DDX31: variants seen among roughly 807,000 people sequenced by gnomAD.
DDX31 encodes DEAD-box helicase 31.
In DDX31, 70 loss-of-function variants were observed where a neutral mutation model predicts 91.3. That is an observed-to-expected ratio of 0.77 (90% CI 0.63 to 0.94). The LOEUF (loss-of-function observed/expected upper bound fraction) is 0.94. DDX31 is among the 40% of genes least tolerant of loss of function. The pLI, the probability that DDX31 is intolerant of heterozygous loss-of-function variation, is 0.00. For missense variants in DDX31, 902 were observed against 925.0 expected (o/e 0.98, Z 0.32); for synonymous variants, 362 against 350.6 (o/e 1.03, Z -0.36).
intron 17 of DDX31, among the ~76,000 whole-genome samples, chr9:132,619,108 TG>T (rs1393812369): frequency 6.6e-6 from 1 of 152,214 alleles, no homozygotes; most frequent in African/African-American, 2.4e-5. Flanking sequence ...AAGTAGCATC[TG>T]TGTGCATGCA....
chr9:132,609,571 C>T (rs898779701), intron 19 of DDX31, among the ~76,000 whole-genome samples: 16 of 152,266 alleles, frequency 1.1e-4, no homozygotes, highest in African/African-American at 3.6e-4. Context: ...ACTATGAAAT[C>T]TTGGGATTGC....
chr9:132,669,736 T>C, intron 1 of DDX31, 124 bp downstream of exon 1: 1 of 1,530,836 alleles, frequency 6.5e-7, no homozygotes, highest in Non-Finnish European at 8.7e-7. Flanking sequence ...AGCTGCCCGG[T>C]GTCTTTCTCC....
chr9:132,595,526 A>G lies in DDX31; in HGVS notation c.1995-414T>C, dbSNP rs1294964420. 6.6e-6 allele frequency among the ~76,000 whole-genome samples: 1 copy of G among 152,226 alleles called. No individual in the cohort carries two copies. The highest frequency in any genetic ancestry group is 6.5e-5 in the Admixed American group (1 of 15,290). ...TCCCAGTAACCCCTAAGCAGCTTAA[A>G]GCAACTGGCCTCCTCATGGGCTCCT... On this transcript the variant is annotated intron_variant, in intron 19 of 19. Coordinates refer to ENST00000372159, the MANE Select transcript of DDX31 (RefSeq NM_022779.9). The surrounding 1 kb of genome is among the most constrained non-coding windows in gnomAD (Gnocchi z 4.6).
chr9:132,616,959 C>T (rs1831675406), intron 18 of DDX31, among the ~76,000 whole-genome samples: 1 of 152,136 alleles, frequency 6.6e-6, no homozygotes, highest in African/African-American at 2.4e-5. Context: ...TTCTGGTGAC[C>T]ACAATTGCTC....
At chr9:132,650,105 C>T (rs980999787) in intron 9 of DDX31, 129 bp downstream of exon 9, 13 of 865,324 alleles carry the variant, frequency 1.5e-5, no homozygotes, top group Non-Finnish European at 2.1e-5. Context: ...CAATCTGTCC[C>T]TGTGCACCGG....
chr9:132,647,400 T>C (rs975245396), intron 11 of DDX31, among the ~76,000 whole-genome samples: 2 of 152,216 alleles, frequency 1.3e-5, no homozygotes, highest in African/African-American at 4.8e-5. Context: ...AAAGCGTTTT[T>C]GCTATAAGCA....
intron 1 of DDX31, among the ~76,000 whole-genome samples, chr9:132,669,006 A>ATAGT (rs1835516634): frequency 1.9e-5 from 2 of 108,030 alleles, no homozygotes; most frequent in African/African-American, 8.4e-5. Flanking sequence ...TTTCTAGTTG[A>ATAGT]CGGTTGAGTT....
intron 19 of DDX31, among the ~76,000 whole-genome samples, chr9:132,602,578 C>T (rs1234087455): frequency 1.3e-5 from 2 of 152,216 alleles, no homozygotes; most frequent in African/African-American, 4.8e-5. Flanking sequence ...GTTCTGCTTC[C>T]AGACCTAGAG....
At chr9:132,598,181 C>G (rs1830540150) in intron 19 of DDX31, among the ~76,000 whole-genome samples, 1 of 152,188 alleles carries the variant, frequency 6.6e-6, no homozygotes, top group South Asian at 2.1e-4. Context: ...CCCATTCATC[C>G]CTTGGCCAGC....
intron 13 of DDX31, 31 bp downstream of exon 13, chr9:132,645,864 G>A: frequency 6.3e-7 from 1 of 1,589,796 alleles, no homozygotes. Context: ...GGGCCGCAGT[G>A]TTGTCGCTGC....
intron 6 of DDX31, among the ~76,000 whole-genome samples, chr9:132,653,834 C>A (rs1225633614): frequency 6.6e-6 from 1 of 151,848 alleles, no homozygotes; most frequent in African/African-American, 2.4e-5. Context: ...TTTGAAAGTT[C>A]ATATGGAAAA....
chr9:132,651,827 T>G (rs2130794182), intron 7 of DDX31, among the ~76,000 whole-genome samples: 1 of 152,300 alleles, frequency 6.6e-6, no homozygotes, highest in Non-Finnish European at 1.5e-5. Context: ...TTTTAATAGC[T>G]TCTGTGCCTG....
chr9:132,612,297 G>A (rs1464597216), intron 18 of DDX31, 42 bp from the exon 19 acceptor site: 5 of 1,612,282 alleles, frequency 3.1e-6, no homozygotes, highest in Non-Finnish European at 4.2e-6. Flanking sequence ...TCAGGACCGG[G>A]GTCTCCAAGC....
Position 132,646,014 on chromosome 9 carries a change from G to A in DDX31, c.1261C>T (p.His421Tyr), listed in dbSNP as rs775955383. Residue 421 changes from histidine (H) to tyrosine (Y), a missense_variant, in exon 13 of 20, where the codon CAC becomes TAC. Transcript: ENST00000372159. ...FFSSCELVEF[H>Y]YSLFLQTLLS... The stretch of plus-strand genomic sequence containing the variant: ...AGGGTCTGTAGGAAGAGGCTGTAGT[G>A]GAACTCCACCAGCTCGCAACTTGAG... 6.2e-7 allele frequency: 1 copy of A among 1,614,124 alleles called. No homozygotes were observed.
intron 18 of DDX31, among the ~76,000 whole-genome samples, chr9:132,616,924 A>T (rs988315579): frequency 5.9e-5 from 9 of 152,196 alleles, no homozygotes; most frequent in Non-Finnish European, 1.3e-4. Context: ...ATATTTGCTG[A>T]CTAACCCATT....
intron 14 of DDX31, 145 bp from the exon 15 acceptor site, chr9:132,632,236 ACG>A (rs878868750): frequency 2.1e-5 from 8 of 381,428 alleles, no homozygotes; most frequent in African/African-American, 1.2e-4. Flanking sequence ...TATGCCCAGT[ACG>A]TGTACACACA....
rs76564159 is a variant in DDX31 at position 132,654,174 on chromosome 9, T to C, written c.589-1682A>G. Among the ~76,000 whole-genome samples the C allele has an allele frequency of 5.5e-3, 834 of 152,310 alleles. 10 individuals carry two copies. Among genetic ancestry groups the C allele is most frequent in the African/African-American group, 0.019 (803 of 41,584 alleles). ...GATACGTTTTATTACCTAAGAATTT[T>C]AAATTTCAGAATGGAAAAATAATAC... On this transcript the variant is annotated intron_variant, in intron 6 of 19. Coordinates refer to ENST00000372159, the MANE Select transcript of DDX31 (RefSeq NM_022779.9).
At chr9:132,627,532 G>A (rs371369923) in intron 16 of DDX31, among the ~76,000 whole-genome samples, 305 of 152,296 alleles carry the variant, frequency 2.0e-3, no homozygotes, top group African/African-American at 6.7e-3. Flanking sequence ...TCTTATGCCT[G>A]ATCTAAGAAA....
chr9:132,668,036 G>A (rs1422172389), intron 1 of DDX31, among the ~76,000 whole-genome samples: 3 of 152,148 alleles, frequency 2.0e-5, no homozygotes, highest in South Asian at 4.1e-4. Context: ...GGCAGCATCC[G>A]AATCCCAAGT....
Sources: gnomAD v4.1 joint callset for allele counts (sites outside exome capture counted in the v4.1 genomes callset) on GRCh38, gnomAD v4.1.1 for gene constraint, Gnocchi (gnomAD v3.1) non-coding constraint, MANE v1.5 for transcripts, NCBI Gene and HGNC (gene_info 2026-07-23, HGNC 2026-07-21) for gene names.